RINT1: variants seen among roughly 807,000 people sequenced by gnomAD.
RINT1 encodes the protein RAD50-interacting protein 1.
In RINT1, 75 loss-of-function variants were observed where a neutral mutation model predicts 97.7. That is an observed-to-expected ratio of 0.77 (90% CI 0.64 to 0.93). RINT1 has a LOEUF of 0.93. RINT1 is among the 40% of genes least tolerant of loss of function. The probability of loss-of-function intolerance (pLI) is 0.00; values close to 1 mark genes in which losing one functional copy is unlikely to be tolerated. For missense variants in RINT1, 892 were observed against 925.2 expected, an observed-to-expected ratio of 0.96 and a Z score of 0.47; for synonymous variants, 303 against 326.3, an observed-to-expected ratio of 0.93 and a Z score of 0.77.
chr7:105,552,118 T>C lies in RINT1; in HGVS notation c.1471+411T>C, dbSNP rs184394453. On this transcript the variant is annotated intron_variant, in intron 10 of 14. Transcript: ENST00000257700. ...CAGCAAATTAATATTATATGATGGTTGTTATCTTCAAATTCAGTTTCTATA... is the reference window on the plus strand; with the variant it reads ...CAGCAAATTAATATTATATGATGGTCGTTATCTTCAAATTCAGTTTCTATA... Among the ~76,000 whole-genome samples, 1,048 of 152,264 alleles carry C rather than the reference T, an allele frequency of 6.9e-3. 14 individuals are homozygous for C. The highest frequency in any genetic ancestry group is 9.1e-3 in the Admixed American group (139 of 15,270).
At chr7:105,536,520 C>A in intron 2 of RINT1, 45 bp from the exon 3 acceptor site, 1 of 1,355,462 alleles carries the variant, frequency 7.4e-7, no homozygotes, top group South Asian at 1.4e-5. Context: ...TCTTTAACTC[C>A]ATAGTACTTA....
At position 105,534,036 on chromosome 7, in the gene RINT1, A is replaced by G. The variant is rs116097729; in HGVS notation, c.88+1167A>G. Among the ~76,000 whole-genome samples the G allele has an allele frequency of 9.5e-3, 1,439 of 152,226 alleles. 15 individuals carry two copies. Among genetic ancestry groups the G allele is most frequent in the African/African-American group, 0.033 (1,385 of 41,546 alleles). ...AAGAATGTCATTTCACTAAGAATGT[A>G]CTATGCCACATTTGAATGGTTACAC... On this transcript the variant is annotated intron_variant, in intron 2 of 14. Transcript: ENST00000257700.
At chr7:105,540,505 A>G (rs1379664289) in intron 3 of RINT1, among the ~76,000 whole-genome samples, 1 of 152,010 alleles carries the variant, frequency 6.6e-6, no homozygotes, top group East Asian at 1.9e-4. Context: ...CAAGTGATCC[A>G]CCAGCTTCTG....
chr7:105,550,230 T>G, intron 8 of RINT1, 31 bp from the exon 9 acceptor site: 1 of 1,609,076 alleles, frequency 6.2e-7, no homozygotes. Flanking sequence ...AACTTTTTAT[T>G]TACATACCTC....
At chr7:105,534,927 T>C (rs899563514) in intron 2 of RINT1, among the ~76,000 whole-genome samples, 2 of 152,178 alleles carry the variant, frequency 1.3e-5, no homozygotes, top group Non-Finnish European at 2.9e-5. Context: ...TATAAAACAT[T>C]GGTATATATT....
chr7:105,550,078 AC>A lies in RINT1; in HGVS notation c.1021del (p.Met342CysfsTer18). The A allele has an allele frequency of 6.2e-7, 1 of 1,612,548 alleles. No homozygotes were observed. Among genetic ancestry groups the A allele is most frequent in the Non-Finnish European group, 8.5e-7 (1 of 1,178,928 alleles). ...SKPEWYLAQV[L>X]MWIGNHTEFL... ...AGCCAGAATGGTACTTGGCTCAAGT[AC>A]TTATGTGGATTGGAAACCATACTGA... On this transcript the variant is annotated frameshift_variant, in exon 8 of 15. Transcript: ENST00000257700. LOFTEE classifies it high-confidence loss of function.
At chr7:105,560,331 C>G (rs981695966) in intron 11 of RINT1, among the ~76,000 whole-genome samples, 1 of 152,130 alleles carries the variant, frequency 6.6e-6, no homozygotes, top group African/African-American at 2.4e-5. Flanking sequence ...CTGACACCAC[C>G]TAAGTTGTCT....
intron 10 of RINT1, among the ~76,000 whole-genome samples, chr7:105,553,688 C>T (rs1333597753): frequency 6.0e-5 from 9 of 149,730 alleles, no homozygotes; most frequent in East Asian, 4.1e-4. Context: ...GCTGGGATTA[C>T]AGGCGTGAGC....
intron 3 of RINT1, among the ~76,000 whole-genome samples, chr7:105,538,553 G>A (rs1228812635): frequency 6.6e-6 from 1 of 152,160 alleles, no homozygotes; most frequent in Non-Finnish European, 1.5e-5. Context: ...CTATGTGTGT[G>A]GTCTGCCACC....
intron 11 of RINT1, among the ~76,000 whole-genome samples, chr7:105,561,498 G>A (rs1422744310): frequency 6.6e-6 from 1 of 152,110 alleles, no homozygotes; most frequent in African/African-American, 2.4e-5. Context: ...TTTCATTCCA[G>A]CCTGAGGGAC....
At chr7:105,546,012 G>T (rs1045868254) in intron 4 of RINT1, among the ~76,000 whole-genome samples, 2 of 116,734 alleles carry the variant, frequency 1.7e-5, no homozygotes, top group Admixed American at 9.1e-5. Context: ...GGAAGGGGGG[G>T]CGGGGGGCGT....
intron 4 of RINT1, among the ~76,000 whole-genome samples, chr7:105,544,325 C>T (rs1367602266): frequency 1.3e-5 from 2 of 152,072 alleles, no homozygotes; most frequent in Non-Finnish European, 2.9e-5. Flanking sequence ...ATTTGAAAAC[C>T]TCACTCTTGT....
At chr7:105,544,976 T>C (rs144947648) in intron 4 of RINT1, among the ~76,000 whole-genome samples, 142 of 152,268 alleles carry the variant, frequency 9.3e-4, no homozygotes, top group African/African-American at 3.3e-3. Flanking sequence ...CTGATGTACA[T>C]TGTCTTTTTT....
At chr7:105,565,008 A>C in intron 12 of RINT1, 1 of 299,908 alleles carries the variant, frequency 3.3e-6, no homozygotes, top group Non-Finnish European at 6.1e-6. Context: ...AAATTAAGTG[A>C]CATTTTAAAT....
chr7:105,532,364 C>A lies in RINT1; in HGVS notation c.42+7C>A, dbSNP rs1431326375. 2 of 1,600,592 alleles carry A rather than the reference C, an allele frequency of 1.2e-6. No homozygotes were observed. The highest frequency in any genetic ancestry group is 2.3e-5 in the East Asian group (1 of 44,372). ...CGCCTCTCCTGCAGCCCCGGTGAGA[C>A]GGCCCTGGCGTCCCTGGGAGGGGAC... On this transcript the variant is annotated splice_region_variant and intron_variant, in intron 1 of 14. Coordinates refer to ENST00000257700, the MANE Select transcript of RINT1 (RefSeq NM_021930.6).
chr7:105,542,729 A>T, intron 4 of RINT1, 80 bp downstream of exon 4: 1 of 1,360,566 alleles, frequency 7.3e-7, no homozygotes, highest in Non-Finnish European at 9.8e-7. Flanking sequence ...GTGCCATTAA[A>T]TAATTGAGTT....
rs933274819 is a variant in RINT1, at chr7:105,535,637, C to T, written c.89-928C>T. The T allele has an allele frequency of 1.3e-5, 6 of 449,624 alleles. No homozygotes were observed. The East Asian group carries it at 3.5e-4, about 27-fold the overall frequency. The allele number at this position is 449,624 out of a possible 1,614,324, so 27.9% of individuals were successfully genotyped here. Reference sequence around the variant, plus strand: ...GTGAGATCATGGCTCACTGCAGCCTCCATCTCCCAGGCTGCTCAAGCAATC... The same window carrying T: ...GTGAGATCATGGCTCACTGCAGCCTTCATCTCCCAGGCTGCTCAAGCAATC... On this transcript the variant is annotated intron_variant, in intron 2 of 14. Coordinates refer to ENST00000257700, the MANE Select transcript of RINT1 (RefSeq NM_021930.6).
intron 11 of RINT1, among the ~76,000 whole-genome samples, chr7:105,559,257 G>A (rs1190917796): frequency 3.3e-5 from 5 of 151,550 alleles, no homozygotes; most frequent in Admixed American, 2.0e-4. Context: ...TTAGCCAGGC[G>A]TGGCTGGGCA....
chr7:105,565,279 G>A lies in RINT1; in HGVS notation c.1889G>A (p.Trp630Ter). ...TGGTAAAAATGTGTTTTTTCCAGAT[G>A]GTTGTCCTTGCCATCTCAGTCAGAG... ...DAAKLYKKER[W>*]LSLPSQSEQA... Residue 630 changes from tryptophan (W) to a stop codon, truncating the protein, a stop_gained and splice_region_variant, in exon 13 of 15, where the codon TGG becomes TAG. Coordinates refer to ENST00000257700, the MANE Select transcript of RINT1 (RefSeq NM_021930.6). LOFTEE classifies it high-confidence loss of function. 2 of 1,581,984 alleles carry A rather than the reference G, an allele frequency of 1.3e-6. No individual in the cohort carries two copies. The highest frequency in any genetic ancestry group is 1.7e-6 in the Non-Finnish European group (2 of 1,162,530).
Sources: allele counts gnomAD v4.1 joint callset (sites outside exome capture counted in the v4.1 genomes callset), GRCh38; gene constraint gnomAD v4.1.1; transcripts MANE v1.5; gene names NCBI Gene and HGNC (gene_info 2026-07-23, HGNC 2026-07-21).